The following CHIT1 variants were observed in gnomAD, a reference collection of about 807,000 sequenced individuals.
The protein encoded by CHIT1 is chitotriosidase-1.
In CHIT1, 47 loss-of-function variants were observed where a neutral mutation model predicts 52.0. The ratio of observed to expected loss-of-function variants is 0.90; its 90% confidence interval spans 0.71 to 1.15. The LOEUF (loss-of-function observed/expected upper bound fraction) is 1.15, where lower values mean the gene tolerates loss of function less well. Among genes scored for constraint, CHIT1 ranks in the 50% most tolerant of loss-of-function variants. The pLI is 0.00. For missense variants in CHIT1, 569 were observed against 583.0 expected (o/e 0.98, Z 0.25); for synonymous variants, 242 against 228.2 (o/e 1.06, Z -0.54).
intron 10 of CHIT1, 101 bp downstream of exon 10, chr1:203,217,637 AT>A (rs1224986720): frequency 1.3e-6 from 2 of 1,576,542 alleles, no homozygotes; most frequent in Non-Finnish European, 1.7e-6. Flanking sequence ...GGGCAAAGTC[AT>A]TTCCTCAGAA....
At chr1:203,227,437 A>G (rs1656966934) in intron 2 of CHIT1, among the ~76,000 whole-genome samples, 1 of 152,228 alleles carries the variant, frequency 6.6e-6, no homozygotes, top group Non-Finnish European at 1.5e-5. Context: ...TATTGTTATG[A>G]ATTTCTGTAC....
chr1:203,217,388 T>C (rs575217240), intron 10 of CHIT1: 30 of 1,494,592 alleles, frequency 2.0e-5, no homozygotes, highest in South Asian at 7.2e-5. Context: ...AGCACAACCA[T>C]ATACTGCTGA....
At position 203,217,872 on chromosome 1, in the gene CHIT1, A is replaced by G; in HGVS notation, c.1030-7T>C. 1 of 1,278,440 alleles carries G rather than the reference A, an allele frequency of 7.8e-7. No individual in the cohort carries two copies. Among genetic ancestry groups the G allele is most frequent in the Non-Finnish European group, 1.0e-6 (1 of 965,824 alleles). 79.2% of individuals were successfully genotyped at this position (1,278,440 alleles called of 1,614,324 possible). A position where few individuals can be genotyped will look rare whatever the true frequency, so the allele number is the denominator to read the frequency against. ...TCTGCTTCAGATAGCTGACCTGTGC[A>G]GGGAGGGGATGCAGTGGAGGAGCCC... On this transcript the variant is annotated splice_region_variant and splice_polypyrimidine_tract_variant and intron_variant, in intron 9 of 10. Transcript: ENST00000367229.
rs757224498 is a variant in CHIT1 at position 203,223,140 on chromosome 1, G to A, written c.600C>T (p.Ile200=). 57 of 1,613,972 alleles carry A rather than the reference G, an allele frequency of 3.5e-5. No homozygotes were observed. Among genetic ancestry groups the A allele is most frequent in the Non-Finnish European group, 4.3e-5 (51 of 1,180,034 alleles). Residue 200 remains isoleucine, a synonymous_variant, in exon 6 of 11, where the codon ATC becomes ATT. Coordinates refer to ENST00000367229, the MANE Select transcript of CHIT1 (RefSeq NM_003465.3). ...GCCATCTGCCTGAGACTCACTGGGC[G>A]ATTTTGTCCACCTCGTATCCAGCAT... The part of the protein sequence containing the change: ...YVDAGYEVDK[I]AQNLDFVNLM...
chr1:203,217,240 T>A, intron 10 of CHIT1, 107 bp from the exon 11 acceptor site: 1 of 1,589,680 alleles, frequency 6.3e-7, no homozygotes, highest in Non-Finnish European at 8.5e-7. Flanking sequence ...CAGCACCACA[T>A]GCCCTACAGG....
chr1:203,219,568 G>A lies in CHIT1; in HGVS notation c.915+96C>T, dbSNP rs913645858. ...ACATGGCCAGAATTCTCTGCAATTGGCATCCTTACTCAGAAACGGTGGGAG... is the reference window on the plus strand; with the variant it reads ...ACATGGCCAGAATTCTCTGCAATTGACATCCTTACTCAGAAACGGTGGGAG... On this transcript the variant is annotated intron_variant, in intron 8 of 10. Coordinates refer to ENST00000367229, the MANE Select transcript of CHIT1 (RefSeq NM_003465.3). 1.7e-5 allele frequency: 24 copies of A among 1,395,008 alleles called. No individual in the cohort carries two copies. In the African/African-American group the frequency reaches 3.0e-4, roughly 17 times the overall value. 86.4% of individuals were successfully genotyped at this position (1,395,008 alleles called of 1,614,324 possible).
chr1:203,221,829 C>A (rs1046722142), intron 7 of CHIT1, among the ~76,000 whole-genome samples: 1 of 152,108 alleles, frequency 6.6e-6, no homozygotes, highest in African/African-American at 2.4e-5. Context: ...GAAGGTCAAC[C>A]AGTGTGACCA....
intron 7 of CHIT1, among the ~76,000 whole-genome samples, chr1:203,220,553 C>T (rs1413171484): frequency 2.0e-5 from 3 of 152,104 alleles, no homozygotes; most frequent in Admixed American, 6.5e-5. Flanking sequence ...AGAAGGTACC[C>T]GGTACAAGTA....
Position 203,219,735 on chromosome 1 carries a change from C to A in CHIT1, c.844G>T (p.Gly282Trp), listed in dbSNP as rs1359081401. ...GTGCCAGACCCTGTGGCTGGGGCCC[C>A]CACTCTGGTGTCTGATGAGGAGGCC... is the stretch of plus-strand genomic sequence containing the variant. ...TLASSSDTRV[G>W]APATGSGTPG... The change falls in exon 8 of 11, where the codon GGG becomes TGG. Residue 282 changes from glycine (G) to tryptophan (W), a missense_variant. Coordinates refer to ENST00000367229, the MANE Select transcript of CHIT1 (RefSeq NM_003465.3). The A allele has an allele frequency of 1.9e-6, 3 of 1,614,030 alleles. No individual in the cohort carries two copies. Among genetic ancestry groups the A allele is most frequent in the East Asian group, 4.5e-5 (2 of 44,876 alleles).
At chr1:203,224,910 C>T in intron 4 of CHIT1, 138 bp downstream of exon 4, 1 of 770,154 alleles carries the variant, frequency 1.3e-6, no homozygotes, top group Non-Finnish European at 2.2e-6. Flanking sequence ...GAAATTCAGC[C>T]CTCAGAGTTC....
chr1:203,223,269 T>A lies in CHIT1; in HGVS notation c.481-10A>T. On this transcript the variant is annotated splice_polypyrimidine_tract_variant and intron_variant, in intron 5 of 10. Transcript: ENST00000367229. Reference sequence around the variant, plus strand: ...AGGCATTGGCCAAGTCCTGTGGGAGTGGAGCTCAGAGTCAACACAGGGGCG... The same window carrying A: ...AGGCATTGGCCAAGTCCTGTGGGAGAGGAGCTCAGAGTCAACACAGGGGCG... 1 of 1,614,004 alleles carries A rather than the reference T, an allele frequency of 6.2e-7. No individual in the cohort carries two copies. The highest frequency in any genetic ancestry group is 8.5e-7 in the Non-Finnish European group (1 of 1,180,018).
At chr1:203,222,463 G>T in intron 6 of CHIT1, 138 bp from the exon 7 acceptor site, 1 of 1,307,712 alleles carries the variant, frequency 7.6e-7, no homozygotes, top group Non-Finnish European at 1.1e-6. Flanking sequence ...GGCTCACCTG[G>T]CTCTGCAGAA....
chr1:203,225,783 G>C lies in CHIT1; in HGVS notation c.143C>G (p.Pro48Arg). 6.2e-7 allele frequency: 1 copy of C among 1,614,054 alleles called. No individual in the cohort carries two copies. Among genetic ancestry groups the C allele is most frequent in the Non-Finnish European group, 8.5e-7 (1 of 1,180,000 alleles). Residue 48 changes from proline to arginine, a missense_variant, in exon 3 of 11, where the codon CCC becomes CGC. Coordinates refer to ENST00000367229, the MANE Select transcript of CHIT1 (RefSeq NM_003465.3). ...GTAGATGAGGTGGGTGCAAAGGCTGGGGTCCAAGTCCTTGGGCAGGAAGCG... is the reference window on the plus strand; with the variant it reads ...GTAGATGAGGTGGGTGCAAAGGCTGCGGTCCAAGTCCTTGGGCAGGAAGCG... ...EARFLPKDLDPSLCTHLIYAF... is the reference protein window; with the variant it reads ...EARFLPKDLDRSLCTHLIYAF...
Position 203,216,432 on chromosome 1 carries a change from CCT to C in CHIT1, c.*455_*456del, listed in dbSNP as rs1238937882. 3 of 454,864 alleles carry C rather than the reference CCT, an allele frequency of 6.6e-6. No homozygotes were observed. The highest frequency in any genetic ancestry group is 6.0e-5 in the African/African-American group (3 of 50,038). 28.2% of individuals were successfully genotyped at this position (454,864 alleles called of 1,614,324 possible). On this transcript the variant is annotated 3_prime_UTR_variant, in exon 11 of 11. Coordinates refer to ENST00000367229, the MANE Select transcript of CHIT1 (RefSeq NM_003465.3). ...ACGTGCGTGAAGGTCCGCAGAAGCTCCTGTTTCCAGGCTTCTGAGCCAATAAC... is the reference window on the plus strand; with the variant it reads ...ACGTGCGTGAAGGTCCGCAGAAGCTCGTTTCCAGGCTTCTGAGCCAATAAC...
intron 5 of CHIT1, 67 bp downstream of exon 5, chr1:203,223,428 T>C: frequency 1.3e-6 from 2 of 1,584,594 alleles, no homozygotes; most frequent in Non-Finnish European, 1.7e-6. Flanking sequence ...AGCCCCCACA[T>C]GTGCTGTGGG....
In CHIT1 at chr1:203,223,556, TC is replaced by T. The variant is rs750736893; in HGVS notation, c.418del (p.Glu140SerfsTer11). 1.4e-5 allele frequency: 23 copies of T among 1,614,042 alleles called. No homozygotes were observed. In the African/African-American group the frequency reaches 3.1e-4, roughly 22 times the overall value. On this transcript the variant is annotated frameshift_variant, in exon 5 of 11. Transcript: ENST00000367229. LOFTEE classifies it high-confidence loss of function. ...AGGGCTCCCCTGGCTTCCTGGGTAC[TC>T]CCAGTCAAGGTCAAGGCCGTCAAAG... is the stretch of plus-strand genomic sequence containing the variant. ...YSFDGLDLDW[E>X]YPGSQGSPAV...
intron 9 of CHIT1, among the ~76,000 whole-genome samples, chr1:203,218,719 TCA>T (rs1656627334): frequency 6.6e-6 from 1 of 152,106 alleles, no homozygotes; most frequent in Non-Finnish European, 1.5e-5. Context: ...GCTGCCGCTG[TCA>T]GCCACACATG....
At chr1:203,219,413 A>T in intron 8 of CHIT1, 84 bp from the exon 9 acceptor site, 2 of 948,706 alleles carry the variant, frequency 2.1e-6, no homozygotes, top group South Asian at 2.6e-5. Flanking sequence ...GAGACTAGAG[A>T]TTGGAAAATT....
intron 2 of CHIT1, 112 bp from the exon 3 acceptor site, chr1:203,225,982 A>C: frequency 8.7e-7 from 1 of 1,145,966 alleles, no homozygotes; most frequent in Non-Finnish European, 1.3e-6. Flanking sequence ...CTACACCTGG[A>C]GTCAGTGGAG....
Sources: allele counts gnomAD v4.1 joint callset (sites outside exome capture counted in the v4.1 genomes callset), GRCh38; gene constraint gnomAD v4.1.1; transcripts MANE v1.5; gene names NCBI Gene and HGNC (gene_info 2026-07-23, HGNC 2026-07-21).